UNC13A: variants seen among roughly 807,000 people sequenced by gnomAD.
The protein encoded by UNC13A is protein unc-13 homolog A.
A neutral mutation model predicts 219.7 loss-of-function variants in UNC13A; 61 were observed. That is an observed-to-expected ratio of 0.28 (90% confidence interval 0.23 to 0.34). The LOEUF is 0.34. Among genes scored for constraint, UNC13A ranks in the 10% least tolerant of loss-of-function variants. The pLI is 1.00. For synonymous variants in UNC13A, 920 were observed against 884.6 expected (o/e 1.04, Z -0.71); for missense variants, 1,476 against 2,270.3 (o/e 0.65, Z 7.11).
Position 17,627,988 on chromosome 19 carries a change from A to G in UNC13A, c.3754-48T>C. 1 of 1,537,236 alleles carries G rather than the reference A, an allele frequency of 6.5e-7. No individual in the cohort carries two copies. Among genetic ancestry groups the G allele is most frequent in the Non-Finnish European group, 8.9e-7 (1 of 1,128,776 alleles). On this transcript the variant is annotated intron_variant, in intron 31 of 43. Coordinates refer to ENST00000519716, the MANE Select transcript of UNC13A (RefSeq NM_001080421.3). The surrounding 1 kb of genome is among the most constrained non-coding windows in gnomAD (Gnocchi z 4.7). Reference sequence around the variant, plus strand: ...GAGTCAAGCCTCAGGACCTCTCCCCAGAGCCTCCCCTACCCACCGCCAGGG... The same window carrying G: ...GAGTCAAGCCTCAGGACCTCTCCCCGGAGCCTCCCCTACCCACCGCCAGGG...
rs1168947437 is a variant in UNC13A at position 17,633,145 on chromosome 19, C to G, written c.3264G>C (p.Trp1088Cys). The G allele has an allele frequency of 6.2e-7, 1 of 1,614,036 alleles. No individual in the cohort carries two copies. The highest frequency in any genetic ancestry group is 8.5e-7 in the Non-Finnish European group (1 of 1,180,026). Residue 1088 changes from tryptophan (W) to cysteine (C), a missense_variant, in exon 27 of 44, where the codon TGG becomes TGC. Around this residue, in one of 14 missense-constraint regions of UNC13A, gnomAD observed 218 missense variants for 409.4 expected, o/e 0.53. Coordinates refer to ENST00000519716, the MANE Select transcript of UNC13A (RefSeq NM_001080421.3). ...NVGKISAEVM[W>C]NLFAQDMKYA... ...ACTTCATGTCTTGGGCAAACAGATT[C>G]CACATCACTTCAGCGCTGATTTTAC...
intron 6 of UNC13A, 122 bp from the exon 7 acceptor site, chr19:17,666,826 T>G: frequency 1.8e-6 from 1 of 545,020 alleles, no homozygotes; most frequent in Non-Finnish European, 2.9e-6. Flanking sequence ...TCTCCCTCTC[T>G]ATGAGAAGGA....
rs763014063 is a variant in UNC13A, at chr19:17,647,511, G to A, written c.1817-19C>T. On this transcript the variant is annotated intron_variant, in intron 16 of 43. Coordinates refer to ENST00000519716, the MANE Select transcript of UNC13A (RefSeq NM_001080421.3). ...GCAGCCCCTGAGGACGCCCGAGGCCGGCGCTGACCCCAGCGCGCCCTGCAT... is the reference window on the plus strand; with the variant it reads ...GCAGCCCCTGAGGACGCCCGAGGCCAGCGCTGACCCCAGCGCGCCCTGCAT... The A allele has an allele frequency of 7.5e-6, 12 of 1,606,826 alleles. No homozygotes were observed. The highest frequency in any genetic ancestry group is 9.3e-6 in the Non-Finnish European group (11 of 1,178,448).
In UNC13A at chr19:17,649,453, T is replaced by G. The variant is rs374507531; in HGVS notation, c.1518+56A>C. On this transcript the variant is annotated intron_variant, in intron 13 of 43. Transcript: ENST00000519716. This position sits in a 1 kb window ranked among gnomAD's most constrained non-coding sequence, Gnocchi z 4.4. ...TGACCATGGGCAGTTCCACAGGTTG[T>G]GCACTGCTTATAGCAGGCCTGCTCT... is the stretch of plus-strand genomic sequence containing the variant. The G allele has an allele frequency of 1.2e-5, 19 of 1,613,274 alleles. No individual in the cohort carries two copies. The highest frequency in any genetic ancestry group is 1.7e-6 in the Non-Finnish European group (2 of 1,179,426).
At chr19:17,647,555 C>G (rs1163662665) in intron 16 of UNC13A, 63 bp from the exon 17 acceptor site, 6 of 1,495,684 alleles carry the variant, frequency 4.0e-6, no homozygotes, top group Non-Finnish European at 5.4e-6. Context: ...CTCACCAAGG[C>G]GAGAGCCCCG....
At chr19:17,657,070 C>G (rs73528013) in intron 9 of UNC13A, among the ~76,000 whole-genome samples, 2 of 152,056 alleles carry the variant, frequency 1.3e-5, no homozygotes, top group Admixed American at 1.3e-4. Flanking sequence ...CTACCAGATG[C>G]TGTCTCCACA....
chr19:17,666,748 C>A, intron 6 of UNC13A, 44 bp from the exon 7 acceptor site: 1 of 1,447,448 alleles, frequency 6.9e-7, no homozygotes, highest in Non-Finnish European at 9.2e-7. Flanking sequence ...TCAGAGGGGC[C>A]AAAGGCCAGG....
At chr19:17,631,187 CT>C (rs1387804174) in intron 28 of UNC13A, among the ~76,000 whole-genome samples, 731 of 43,664 alleles carry the variant, frequency 0.017, 36 homozygotes, top group African/African-American at 0.079. Flanking sequence ...CCTTTCCTTC[CT>C]TCCCTCCCTC....
chr19:17,641,603 CG>C, intron 20 of UNC13A, 47 bp from the exon 21 acceptor site: 2 of 1,594,196 alleles, frequency 1.3e-6, no homozygotes, highest in African/African-American at 1.3e-5. Flanking sequence ...AAGGGGTCGC[CG>C]GGGGTCAGAG....
chr19:17,675,341 T>TA (rs1452692504), intron 2 of UNC13A, among the ~76,000 whole-genome samples: 1 of 149,448 alleles, frequency 6.7e-6, no homozygotes, highest in African/African-American at 2.5e-5. Flanking sequence ...AAAATAATAA[T>TA]AATAAAAAGG....
chr19:17,660,293 T>C lies in UNC13A; in HGVS notation c.560-2024A>G, dbSNP rs1211316486. The stretch of plus-strand genomic sequence containing the variant: ...CACATGTTTACCCAGTTTTTTTTTT[T>C]CCTGACAAATTATCTGCTTATGAAG... On this transcript the variant is annotated intron_variant, in intron 8 of 43. Coordinates refer to ENST00000519716, the MANE Select transcript of UNC13A (RefSeq NM_001080421.3). 8.6e-5 allele frequency among the ~76,000 whole-genome samples: 13 copies of C among 150,498 alleles called. No individual in the cohort carries two copies. In the East Asian group the frequency reaches 2.5e-3, roughly 29 times the overall value.
Position 17,627,940 on chromosome 19 carries a change from G to C in UNC13A, c.3754C>G (p.Pro1252Ala). Reference sequence around the variant, plus strand: ...TGAGTGTTATTCATGAGAATGCAGGGCTGTGGGTGGGAACAGAGAGGGGAG... The same window carrying C: ...TGAGTGTTATTCATGAGAATGCAGGCCTGTGGGTGGGAACAGAGAGGGGAG... ...SYCSKEKEKV[P>A]CILMNNTQQL... is the part of the protein sequence containing the mutation. Residue 1252 changes from proline (P) to alanine (A), a missense_variant and splice_region_variant, in exon 32 of 44, where the codon CCC becomes GCC. Pro to Ala is a conservative substitution (Grantham distance 27, BLOSUM62 -1). Around this residue, in one of 14 missense-constraint regions of UNC13A, gnomAD observed 218 missense variants for 409.4 expected, o/e 0.53. Coordinates refer to ENST00000519716, the MANE Select transcript of UNC13A (RefSeq NM_001080421.3). This position sits in a 1 kb window ranked among gnomAD's most constrained non-coding sequence, Gnocchi z 4.7. The C allele has an allele frequency of 6.3e-7, 1 of 1,590,202 alleles. No homozygotes were observed.
At chr19:17,636,257 C>A in intron 25 of UNC13A, 100 bp from the exon 26 acceptor site, 1 of 1,369,144 alleles carries the variant, frequency 7.3e-7, no homozygotes, top group South Asian at 1.5e-5. Flanking sequence ...GAATGCATCC[C>A]ATCATCATGT....
Position 17,658,092 on chromosome 19 carries a change from T to C in UNC13A, c.737A>G (p.Tyr246Cys). 6.2e-7 allele frequency: 1 copy of C among 1,613,760 alleles called. No individual in the cohort carries two copies. Among genetic ancestry groups the C allele is most frequent in the South Asian group, 1.1e-5 (1 of 91,070 alleles). ...GGCTTGTGGCTCAGAGAACTCCTCG[T>C]AACTGTGCATGGAGTCACTGTAGGA... Reference protein sequence around the residue: ...RESYSDSMHSYEEFSEPQALS... With the variant: ...RESYSDSMHSCEEFSEPQALS... Residue 246 changes from tyrosine (Y) to cysteine (C), a missense_variant, in exon 9 of 44, where the codon TAC becomes TGC. Coordinates refer to ENST00000519716, the MANE Select transcript of UNC13A (RefSeq NM_001080421.3).
At chr19:17,672,338 G>T in intron 4 of UNC13A, 40 bp downstream of exon 4, 2 of 1,537,966 alleles carry the variant, frequency 1.3e-6, no homozygotes, top group Non-Finnish European at 1.8e-6. Flanking sequence ...CTTCTGCAAG[G>T]CACTCCTCCT....
At chr19:17,679,896 G>C (rs1435026673) in intron 1 of UNC13A, among the ~76,000 whole-genome samples, 1 of 152,074 alleles carries the variant, frequency 6.6e-6, no homozygotes, top group Non-Finnish European at 1.5e-5. Context: ...AATGGTCTCC[G>C]TTGGGGTCCT....
At chr19:17,677,274 T>C (rs1293138229) in intron 1 of UNC13A, among the ~76,000 whole-genome samples, 1 of 151,918 alleles carries the variant, frequency 6.6e-6, no homozygotes, top group African/African-American at 2.4e-5. Context: ...GTCCCCCACA[T>C]CTTTTTCCTC....
intron 26 of UNC13A, among the ~76,000 whole-genome samples, chr19:17,633,574 C>T (rs2076879864): frequency 6.6e-6 from 1 of 151,816 alleles, no homozygotes; most frequent in Non-Finnish European, 1.5e-5. Flanking sequence ...CCCATCCAAC[C>T]ATCCCTTCAT....
intron 12 of UNC13A, among the ~76,000 whole-genome samples, chr19:17,651,111 G>A (rs1340631984): frequency 1.3e-5 from 2 of 151,592 alleles, no homozygotes; most frequent in African/African-American, 2.4e-5. Context: ...CTAATTTTCT[G>A]TATTTTTCGT....
Sources: gnomAD v4.1 joint callset for allele counts (sites outside exome capture counted in the v4.1 genomes callset) on GRCh38, gnomAD v4.1.1 for gene constraint, gnomAD v4.1.1 regional missense constraint, Gnocchi (gnomAD v3.1) non-coding constraint, MANE v1.5 for transcripts, NCBI Gene and HGNC (gene_info 2026-07-23, HGNC 2026-07-21) for gene names.